The following MAP7 variants were observed in gnomAD, a reference collection of about 807,000 sequenced individuals.
MAP7 encodes microtubule associated protein 7, also known as ensconsin.
Under a neutral mutation model 94.8 loss-of-function variants are expected in MAP7, and 52 were observed. The observed-to-expected ratio is 0.55, with a 90% CI of 0.44 to 0.69. The LOEUF is 0.69. Among genes scored for constraint, MAP7 ranks in the 30% least tolerant of loss-of-function variants. The pLI is 0.00. For synonymous variants in MAP7, 350 were observed against 357.0 expected, an observed-to-expected ratio of 0.98 and a Z score of 0.22; for missense variants, 940 against 964.6, an observed-to-expected ratio of 0.97 and a Z score of 0.34.
chr6:136,480,598 C>A lies in MAP7; in HGVS notation c.68-58799G>T, dbSNP rs1327365151. Among the ~76,000 whole-genome samples the A allele has an allele frequency of 1.0e-4, 14 of 138,560 alleles. No homozygotes were observed. The Admixed American group carries it at 1.1e-3, about 11-fold the overall frequency. The allele number at this position is 138,560 out of a possible 152,430, so 90.9% of individuals were successfully genotyped here. ...CAGAGCTTGCAGTGAGTCAAGATTGCGCCACTGCACTCCAGCCTGGGTGAC... is the reference window on the plus strand; with the variant it reads ...CAGAGCTTGCAGTGAGTCAAGATTGAGCCACTGCACTCCAGCCTGGGTGAC... On this transcript the variant is annotated intron_variant, in intron 1 of 17. Coordinates refer to ENST00000354570, the MANE Select transcript of MAP7 (RefSeq NM_003980.6).
intron 1 of MAP7, among the ~76,000 whole-genome samples, chr6:136,477,289 C>T (rs912651670): frequency 6.6e-6 from 1 of 152,108 alleles, no homozygotes; most frequent in Non-Finnish European, 1.5e-5. Context: ...TCAGGCAAAT[C>T]CAAATTGAGA....
At chr6:136,517,798 T>C (rs960119283) in intron 1 of MAP7, among the ~76,000 whole-genome samples, 4 of 152,336 alleles carry the variant, frequency 2.6e-5, no homozygotes, top group African/African-American at 7.2e-5. Context: ...GGTGAAACTT[T>C]CCTAGTATCC....
chr6:136,541,717 A>G (rs576941599), intron 1 of MAP7, among the ~76,000 whole-genome samples: 2 of 152,306 alleles, frequency 1.3e-5, no homozygotes, highest in Non-Finnish European at 2.9e-5. Context: ...GAACAGTTGA[A>G]TGCAGTTTTT....
chr6:136,548,928 A>T (rs765850896), intron 1 of MAP7, among the ~76,000 whole-genome samples: 1 of 152,226 alleles, frequency 6.6e-6, no homozygotes, highest in Non-Finnish European at 1.5e-5. Context: ...AATTCCCGAA[A>T]GCAATTACAA....
intron 3 of MAP7, among the ~76,000 whole-genome samples, chr6:136,406,175 T>C (rs1385480860): frequency 1.3e-5 from 2 of 152,138 alleles, no homozygotes; most frequent in Non-Finnish European, 2.9e-5. Flanking sequence ...CCAGGATCGA[T>C]TCTAAGTTCA....
intron 1 of MAP7, among the ~76,000 whole-genome samples, chr6:136,460,938 G>T (rs1472608784): frequency 6.6e-6 from 1 of 151,986 alleles, no homozygotes; most frequent in African/African-American, 2.4e-5. Context: ...GACCTCTTAG[G>T]TTCCAATAAC....
chr6:136,468,712 A>G (rs973528325), intron 1 of MAP7, among the ~76,000 whole-genome samples: 6 of 152,186 alleles, frequency 3.9e-5, no homozygotes, highest in African/African-American at 1.4e-4. Flanking sequence ...ATGGGTACTC[A>G]AAGTGTGTTT....
intron 1 of MAP7, among the ~76,000 whole-genome samples, chr6:136,496,084 G>A (rs1818114399): frequency 6.6e-6 from 1 of 152,142 alleles, no homozygotes; most frequent in Non-Finnish European, 1.5e-5. Flanking sequence ...TTATGTTACT[G>A]AACAGGTATA....
chr6:136,525,699 G>A, intron 1 of MAP7: 3 of 914,434 alleles, frequency 3.3e-6, no homozygotes, highest in Admixed American at 3.1e-5. Context: ...AACACTACCA[G>A]CAAACCGTGC....
At chr6:136,471,793 T>C (rs1809111521) in intron 1 of MAP7, among the ~76,000 whole-genome samples, 1 of 152,214 alleles carries the variant, frequency 6.6e-6, no homozygotes, top group African/African-American at 2.4e-5. Context: ...TTATTTTCTA[T>C]ATTAATACTT....
intron 1 of MAP7, among the ~76,000 whole-genome samples, chr6:136,458,292 GA>G (rs1804019678): frequency 6.6e-6 from 1 of 152,034 alleles, no homozygotes; most frequent in Non-Finnish European, 1.5e-5. Flanking sequence ...CAAATAAATG[GA>G]AAGATATCCT....
At chr6:136,496,766 C>T (rs989818017) in intron 1 of MAP7, among the ~76,000 whole-genome samples, 6 of 141,156 alleles carry the variant, frequency 4.3e-5, no homozygotes, top group African/African-American at 1.6e-4. Flanking sequence ...AAGGTGAAAC[C>T]CCGTCTCTAC....
chr6:136,425,221 A>G (rs1356327033), intron 1 of MAP7, among the ~76,000 whole-genome samples: 1 of 152,238 alleles, frequency 6.6e-6, no homozygotes, highest in Non-Finnish European at 1.5e-5. Flanking sequence ...TTATTTCTGA[A>G]GTTTTCCATT....
At chr6:136,543,434 T>C (rs532797549) in intron 1 of MAP7, among the ~76,000 whole-genome samples, 2 of 152,288 alleles carry the variant, frequency 1.3e-5, no homozygotes, top group Non-Finnish European at 2.9e-5. Context: ...GGATCACCTT[T>C]GGTCAGGAGT....
rs537275225 is a variant in MAP7 at position 136,497,525 on chromosome 6, T to TAAAA, written c.67+52813_67+52816dup. On this transcript the variant is annotated intron_variant, in intron 1 of 17. Transcript: ENST00000354570. ...TACCCCATGTCTATGTCATCTTACT[T>TAAAA]AAAAAAAAAAAAAATGCAGATCCCA... 2.1e-5 allele frequency among the ~76,000 whole-genome samples: 3 copies of TAAAA among 140,356 alleles called. No homozygotes were observed. In the Admixed American group the frequency reaches 2.1e-4, roughly 10 times the overall value. 92.1% of individuals were successfully genotyped at this position (140,356 alleles called of 152,430 possible).
At chr6:136,416,589 T>C (rs1789501305) in intron 2 of MAP7, among the ~76,000 whole-genome samples, 1 of 152,070 alleles carries the variant, frequency 6.6e-6, no homozygotes, top group African/African-American at 2.4e-5. Context: ...GCGAATCACT[T>C]GAGGTCAGGA....
intron 1 of MAP7, among the ~76,000 whole-genome samples, chr6:136,490,894 C>T (rs1816381623): frequency 6.6e-6 from 1 of 152,186 alleles, no homozygotes; most frequent in Non-Finnish European, 1.5e-5. Flanking sequence ...ATCCTACATC[C>T]CCTCCAGAGC....
chr6:136,361,767 G>T (rs892181669), intron 11 of MAP7, among the ~76,000 whole-genome samples: 1 of 152,202 alleles, frequency 6.6e-6, no homozygotes, highest in Admixed American at 6.5e-5. Context: ...ATACTGCCTG[G>T]CAGGCAATCA....
intron 7 of MAP7, among the ~76,000 whole-genome samples, chr6:136,377,026 A>C (rs982494139): frequency 8.5e-5 from 13 of 152,192 alleles, no homozygotes; most frequent in African/African-American, 2.9e-4. Context: ...CGTTACCCAA[A>C]GCCTTTCTTA....
Sources: allele counts gnomAD v4.1 joint callset (sites outside exome capture counted in the v4.1 genomes callset), GRCh38; gene constraint gnomAD v4.1.1; transcripts MANE v1.5; gene names NCBI Gene and HGNC (gene_info 2026-07-23, HGNC 2026-07-21).